DDX46: variants seen among roughly 807,000 people sequenced by gnomAD.
DDX46 encodes probable ATP-dependent RNA helicase DDX46.
DDX46 carries 30 observed loss-of-function variants against 134.9 expected under a neutral mutation model. The observed-to-expected ratio is 0.22, with a 90% confidence interval of 0.17 to 0.30. The LOEUF (loss-of-function observed/expected upper bound fraction) is 0.30, where lower values mean the gene tolerates loss of function less well. Ranked by LOEUF, DDX46 falls within the 10% of genes least tolerant of loss-of-function variation. The pLI is 1.00. For missense variants in DDX46, 622 were observed against 1,248.7 expected, an observed-to-expected ratio of 0.50 and a Z score of 7.56; for synonymous variants, 415 against 404.1, an observed-to-expected ratio of 1.03 and a Z score of -0.32.
chr5:134,818,098 C>T (rs531500545), intron 20 of DDX46, among the ~76,000 whole-genome samples: 3 of 151,842 alleles, frequency 2.0e-5, no homozygotes, highest in African/African-American at 4.8e-5. Flanking sequence ...TACAGGCATG[C>T]GCCACCATGC....
chr5:134,776,645 A>G (rs1008063832), intron 5 of DDX46, among the ~76,000 whole-genome samples: 3 of 152,046 alleles, frequency 2.0e-5, no homozygotes, highest in Admixed American at 1.3e-4. Context: ...AGCTGGGTGC[A>G]GTGGCTCACG....
chr5:134,824,925 A>C (rs1755550727), intron 21 of DDX46, among the ~76,000 whole-genome samples: 1 of 152,234 alleles, frequency 6.6e-6, no homozygotes. Context: ...AGCCTGTATA[A>C]TTTATATAGC....
rs190074096 is a variant in DDX46, at chr5:134,783,073, G to T, written c.1166+8G>T. The T allele has an allele frequency of 3.7e-6, 6 of 1,612,124 alleles. No individual in the cohort carries two copies. The highest frequency in any genetic ancestry group is 5.1e-6 in the Non-Finnish European group (6 of 1,178,828). On this transcript the variant is annotated splice_region_variant and intron_variant, in intron 9 of 22. Transcript: ENST00000452510. ...CTTAAATTCCCTCAAGAAGTAAGTG[G>T]TTGGTGGTTGTTTATGTTTTCCGTG...
chr5:134,827,897 G>A (rs1002842246), intron 22 of DDX46, among the ~76,000 whole-genome samples: 1 of 152,188 alleles, frequency 6.6e-6, no homozygotes, highest in African/African-American at 2.4e-5. Flanking sequence ...ATACCTCGGA[G>A]TAGAATTGTT....
intron 14 of DDX46, among the ~76,000 whole-genome samples, chr5:134,795,216 T>TG (rs886186049): frequency 9.1e-5 from 10 of 109,324 alleles, no homozygotes; most frequent in African/African-American, 3.2e-4. Flanking sequence ...TTTTTTTTTT[T>TG]TTTGTTTTTT....
At chr5:134,821,337 C>T (rs544142753) in intron 21 of DDX46, among the ~76,000 whole-genome samples, 169 of 151,920 alleles carry the variant, frequency 1.1e-3, no homozygotes, top group Middle Eastern at 3.4e-3. Context: ...CCACTGCGCC[C>T]GGCCAATTTT....
At chr5:134,773,928 A>T in intron 5 of DDX46, 67 bp downstream of exon 5, 1 of 1,395,638 alleles carries the variant, frequency 7.2e-7, no homozygotes, top group South Asian at 1.8e-5. Context: ...AATATTTCAT[A>T]AGGGGTTTTT....
intron 16 of DDX46, among the ~76,000 whole-genome samples, chr5:134,810,909 G>A (rs1755123782): frequency 6.6e-6 from 1 of 151,950 alleles, no homozygotes; most frequent in Non-Finnish European, 1.5e-5. Context: ...GGGAGGCTGA[G>A]GCAGGAGAAT....
At chr5:134,793,766 C>G (rs983860187) in intron 13 of DDX46, among the ~76,000 whole-genome samples, 1 of 152,134 alleles carries the variant, frequency 6.6e-6, no homozygotes, top group East Asian at 1.9e-4. Context: ...TCCCCTTTCC[C>G]TAGGGTTTAC....
Position 134,782,980 on chromosome 5 carries a change from A to G in DDX46, c.1081A>G (p.Thr361Ala). ...NVFRLEMEGI[T>A]VKGKGCPKPI... ...GTTTCGATTGGAAATGGAGGGCATT[A>G]CAGTTAAAGGAAAAGGTTGCCCCAA... Residue 361 changes from threonine (T) to alanine (A), a missense_variant, in exon 9 of 23, where the codon ACA becomes GCA. This residue lies in a region of DDX46 where 63 missense variants were observed against 84.0 expected (regional missense o/e 0.75). Transcript: ENST00000452510. The G allele has an allele frequency of 1.9e-6, 3 of 1,613,882 alleles. No homozygotes were observed. Among genetic ancestry groups the G allele is most frequent in the South Asian group, 2.2e-5 (2 of 91,076 alleles).
At chr5:134,812,059 CTTTTTTTT>C (rs767502728) in intron 18 of DDX46, among the ~76,000 whole-genome samples, 1 of 99,042 alleles carries the variant, frequency 1.0e-5, no homozygotes, top group Non-Finnish European at 2.0e-5. Flanking sequence ...GTGAAAAGTC[CTTTTTTTT>C]TTTTTTTTTT....
chr5:134,808,330 G>C (rs528986799), intron 16 of DDX46, among the ~76,000 whole-genome samples: 2 of 152,232 alleles, frequency 1.3e-5, no homozygotes, highest in South Asian at 2.1e-4. Flanking sequence ...CCTACCTTTA[G>C]CATGCTCAGA....
chr5:134,774,555 C>T (rs1220964285), intron 5 of DDX46, among the ~76,000 whole-genome samples: 10 of 152,174 alleles, frequency 6.6e-5, no homozygotes, highest in Non-Finnish European at 1.0e-4. Flanking sequence ...TAGTAAGCAT[C>T]ACTGATTTTA....
Position 134,784,199 on chromosome 5 carries a change from A to G in DDX46, c.1167-167A>G, listed in dbSNP as rs535969236. ...TACATAATGTTGTAAAGATTAGTCCATATTGTAGAATGTGTTAGTACTTCA... is the reference window on the plus strand; with the variant it reads ...TACATAATGTTGTAAAGATTAGTCCGTATTGTAGAATGTGTTAGTACTTCA... On this transcript the variant is annotated intron_variant, in intron 9 of 22. Coordinates refer to ENST00000452510, the MANE Select transcript of DDX46 (RefSeq NM_001300860.2). Among the ~76,000 whole-genome samples, 7 of 152,324 alleles carry G rather than the reference A, an allele frequency of 4.6e-5. No individual in the cohort carries two copies. In the South Asian group the frequency reaches 1.0e-3, roughly 23 times the overall value.
chr5:134,790,866 A>G (rs1754480337), intron 13 of DDX46, among the ~76,000 whole-genome samples: 2 of 152,054 alleles, frequency 1.3e-5, no homozygotes, highest in South Asian at 4.1e-4. Flanking sequence ...TCTGTCGCCC[A>G]GACTGCAGTG....
intron 3 of DDX46, among the ~76,000 whole-genome samples, chr5:134,769,658 G>A (rs1025870881): frequency 1.3e-5 from 2 of 150,464 alleles, no homozygotes; most frequent in Non-Finnish European, 3.0e-5. Context: ...CTCCTGCCTC[G>A]GCCTCCCACC....
At chr5:134,792,066 A>G (rs962476040) in intron 13 of DDX46, among the ~76,000 whole-genome samples, 1 of 152,108 alleles carries the variant, frequency 6.6e-6, no homozygotes, top group Non-Finnish European at 1.5e-5. Flanking sequence ...AATCCCAGCT[A>G]CTTGGGAGGC....
chr5:134,794,798 G>T, intron 13 of DDX46, 52 bp from the exon 14 acceptor site: 1 of 1,599,768 alleles, frequency 6.3e-7, no homozygotes, highest in South Asian at 1.1e-5. Flanking sequence ...CATTGCATAA[G>T]CTTTGAAGAC....
Position 134,818,960 on chromosome 5 carries a change from A to G in DDX46, c.2933A>G (p.Lys978Arg). ...TIRGTYFPPG[K>R]EPKEGERKIY... is the part of the protein sequence containing the mutation. Reference sequence around the variant, plus strand: ...AGAGGAACCTACTTCCCTCCTGGCAAAGAACCCAAGGAAGGCGAGCGGAAG... The same window carrying G: ...AGAGGAACCTACTTCCCTCCTGGCAGAGAACCCAAGGAAGGCGAGCGGAAG... The change falls in exon 21 of 23, where the codon AAA (lysine) becomes AGA (arginine). Residue 978 changes from lysine to arginine, a missense_variant. Coordinates refer to ENST00000452510, the MANE Select transcript of DDX46 (RefSeq NM_001300860.2). 1 of 1,614,076 alleles carries G rather than the reference A, an allele frequency of 6.2e-7. No homozygotes were observed. The highest frequency in any genetic ancestry group is 1.1e-5 in the South Asian group (1 of 91,066).
Sources: allele counts gnomAD v4.1 joint callset (sites outside exome capture counted in the v4.1 genomes callset), GRCh38; gene constraint gnomAD v4.1.1; regional missense constraint gnomAD v4.1.1; transcripts MANE v1.5; gene names NCBI Gene and HGNC (gene_info 2026-07-23, HGNC 2026-07-21).